The following DLGAP4 variants were observed in gnomAD, a reference collection of about 807,000 sequenced individuals.
The protein encoded by DLGAP4 is DLG associated protein 4, also known as disks large-associated protein 4.
Under a neutral mutation model 86.9 loss-of-function variants are expected in DLGAP4, and 18 were observed. The ratio of observed to expected loss-of-function variants is 0.21; its 90% CI spans 0.14 to 0.31. DLGAP4 has a LOEUF of 0.31. DLGAP4 is among the 10% of genes least tolerant of loss of function. DLGAP4 has a pLI of 1.00. For missense variants in DLGAP4, 1,085 were observed against 1,362.6 expected (o/e 0.80, Z 3.21); for synonymous variants, 548 against 574.3 (o/e 0.95, Z 0.65).
intron 2 of DLGAP4, among the ~76,000 whole-genome samples, chr20:36,419,594 C>T (rs1244792588): frequency 6.6e-6 from 1 of 152,228 alleles, no homozygotes; most frequent in East Asian, 1.9e-4. Context: ...TGAAGTCCTA[C>T]TTCAGGGGCT....
intron 10 of DLGAP4, among the ~76,000 whole-genome samples, chr20:36,522,736 T>C (rs2037454172): frequency 6.6e-6 from 1 of 152,186 alleles, no homozygotes; most frequent in Non-Finnish European, 1.5e-5. Context: ...CAGACTGGTC[T>C]CGAATTCCTG....
At chr20:36,366,427 G>C (rs2030691191) in intron 1 of DLGAP4, among the ~76,000 whole-genome samples, 1 of 152,190 alleles carries the variant, frequency 6.6e-6, no homozygotes, top group South Asian at 2.1e-4. Context: ...TGGGTGGAGA[G>C]GGACACCTGG....
intron 1 of DLGAP4, among the ~76,000 whole-genome samples, chr20:36,340,409 G>A (rs1434309794): frequency 3.3e-5 from 5 of 152,082 alleles, no homozygotes; most frequent in African/African-American, 4.8e-5. Flanking sequence ...GGAGAGACCC[G>A]TGCACGGGTC....
At chr20:36,434,035 C>T (rs904418117) in intron 3 of DLGAP4, among the ~76,000 whole-genome samples, 1 of 151,438 alleles carries the variant, frequency 6.6e-6, no homozygotes, top group Admixed American at 6.6e-5. Context: ...CCTCCGCCTC[C>T]TGGGTTCCAG....
chr20:36,438,317 G>A (rs181343088), intron 4 of DLGAP4, among the ~76,000 whole-genome samples: 2,508 of 151,600 alleles, frequency 0.017, 22 homozygotes, highest in Middle Eastern at 0.031. Flanking sequence ...GAGGTTGCAG[G>A]GAGCTGAGAT....
At chr20:36,507,538 GT>G (rs1033207851) in intron 10 of DLGAP4, among the ~76,000 whole-genome samples, 9 of 152,114 alleles carry the variant, frequency 5.9e-5, no homozygotes, top group Non-Finnish European at 1.2e-4. Flanking sequence ...GTGGCCACAA[GT>G]TTTAAGGTCA....
chr20:36,443,359 C>T (rs554403821), intron 6 of DLGAP4, among the ~76,000 whole-genome samples: 1 of 152,316 alleles, frequency 6.6e-6, no homozygotes, highest in Admixed American at 6.5e-5. Flanking sequence ...CCTCTCCTCC[C>T]TCCCAGGCCA....
intron 1 of DLGAP4, among the ~76,000 whole-genome samples, chr20:36,317,273 T>TA (rs1569452647): frequency 2.0e-4 from 2 of 9,904 alleles, no homozygotes; most frequent in African/African-American, 9.0e-4. Flanking sequence ...CTTTCTTTCT[T>TA]TCTTATCTTT....
intron 7 of DLGAP4, among the ~76,000 whole-genome samples, chr20:36,482,275 C>T (rs958697797): frequency 6.6e-6 from 1 of 152,198 alleles, no homozygotes; most frequent in Non-Finnish European, 1.5e-5. Context: ...AATCGAGGTG[C>T]ACAGGGCCTG....
At chr20:36,403,944 C>T (rs1254045632) in intron 2 of DLGAP4, among the ~76,000 whole-genome samples, 1 of 152,178 alleles carries the variant, frequency 6.6e-6, no homozygotes, top group African/African-American at 2.4e-5. Context: ...ATGTCTTCCC[C>T]CAGAGCAAGA....
intron 2 of DLGAP4, among the ~76,000 whole-genome samples, chr20:36,428,770 A>T (rs1311181789): frequency 6.6e-6 from 1 of 152,208 alleles, no homozygotes; most frequent in African/African-American, 2.4e-5. Context: ...GATGTTCTAG[A>T]GGTCAGAGTC....
At chr20:36,479,537 G>T (rs1036986518) in intron 7 of DLGAP4, among the ~76,000 whole-genome samples, 1 of 152,182 alleles carries the variant, frequency 6.6e-6, no homozygotes, top group African/African-American at 2.4e-5. Flanking sequence ...GTGAGCCAGG[G>T]CAGGGGCCTG....
chr20:36,525,756 G>C, intron 11 of DLGAP4, 95 bp from the exon 12 acceptor site: 8 of 1,551,368 alleles, frequency 5.2e-6, no homozygotes, highest in Non-Finnish European at 7.0e-6. Flanking sequence ...CGCGGGTGCT[G>C]GCAGGGCCCA....
chr20:36,465,452 C>T (rs888555975), intron 7 of DLGAP4: 2 of 152,346 alleles, frequency 1.3e-5, no homozygotes, highest in East Asian at 3.8e-4. Flanking sequence ...AACTTGTAGC[C>T]CAGGCCTCTT....
At chr20:36,371,767 A>T (rs561001638) in intron 2 of DLGAP4, among the ~76,000 whole-genome samples, 84 of 151,084 alleles carry the variant, frequency 5.6e-4, no homozygotes, top group Non-Finnish European at 7.4e-4. Flanking sequence ...TTTTTTTTTT[A>T]AAAAGAGGTT....
intron 2 of DLGAP4, among the ~76,000 whole-genome samples, chr20:36,386,777 A>G (rs1436640850): frequency 6.6e-6 from 1 of 152,192 alleles, no homozygotes; most frequent in African/African-American, 2.4e-5. Flanking sequence ...GTAGGGACGA[A>G]GTCTCACTGT....
chr20:36,493,735 T>C (rs562580360), intron 7 of DLGAP4, among the ~76,000 whole-genome samples: 1 of 152,344 alleles, frequency 6.6e-6, no homozygotes, highest in South Asian at 2.1e-4. Context: ...GTGGAGCAGA[T>C]GCGGCTGCTG....
chr20:36,380,540 A>G (rs1380725477), intron 2 of DLGAP4, among the ~76,000 whole-genome samples: 1 of 151,628 alleles, frequency 6.6e-6, no homozygotes, highest in African/African-American at 2.4e-5. Context: ...GTAAGTTATG[A>G]TCATGCCACT....
At chr20:36,451,324 A>C (rs2033729480) in intron 7 of DLGAP4, among the ~76,000 whole-genome samples, 1 of 152,164 alleles carries the variant, frequency 6.6e-6, no homozygotes, top group Non-Finnish European at 1.5e-5. Flanking sequence ...TTTTGACCAG[A>C]TAGTAGCATC....
Sources: gnomAD v4.1 joint callset for allele counts (sites outside exome capture counted in the v4.1 genomes callset) on GRCh38, gnomAD v4.1.1 for gene constraint, MANE v1.5 for transcripts, NCBI Gene and HGNC (gene_info 2026-07-23, HGNC 2026-07-21) for gene names.